Variants in GPR158 observed in about 807,000 individuals in gnomAD.
GPR158 encodes the protein G protein-coupled receptor 158.
GPR158 carries 30 observed loss-of-function variants against 78.2 expected under a neutral mutation model. The observed-to-expected ratio is 0.38, with a 90% CI of 0.29 to 0.52. The LOEUF (loss-of-function observed/expected upper bound fraction) is 0.52. GPR158 is among the 20% of genes least tolerant of loss of function. The pLI, the probability that GPR158 is intolerant of heterozygous loss-of-function variation, is 0.83. For synonymous variants in GPR158, 581 were observed against 591.1 expected (o/e 0.98, Z 0.25); for missense variants, 1,463 against 1,523.5 (o/e 0.96, Z 0.66).
chr10:25,410,653 C>T lies in GPR158; in HGVS notation c.1112-1597C>T, dbSNP rs150043558. On this transcript the variant is annotated intron_variant, in intron 3 of 10. Transcript: ENST00000376351. ...ATAAATAAATAACCTCATTTAGTCC[C>T]ACAGCAATTCATGTTTCATAAATAA... 2.3e-3 allele frequency among the ~76,000 whole-genome samples: 343 copies of T among 152,160 alleles called. 2 individuals carry two copies. The highest frequency in any genetic ancestry group is 8.0e-3 in the African/African-American group (331 of 41,526).
intron 5 of GPR158, among the ~76,000 whole-genome samples, chr10:25,496,661 G>A (rs1335574425): frequency 1.3e-5 from 2 of 152,150 alleles, no homozygotes; most frequent in Non-Finnish European, 2.9e-5. Flanking sequence ...CATTAGATAA[G>A]GATTATCCTA....
chr10:25,429,446 A>G (rs1209258231), intron 4 of GPR158, among the ~76,000 whole-genome samples: 1 of 152,136 alleles, frequency 6.6e-6, no homozygotes, highest in Non-Finnish European at 1.5e-5. Context: ...CCCACAGCTC[A>G]AATTCAGAGT....
intron 4 of GPR158, among the ~76,000 whole-genome samples, chr10:25,453,387 G>A (rs1000404064): frequency 5.3e-5 from 8 of 152,092 alleles, no homozygotes; most frequent in African/African-American, 1.9e-4. Flanking sequence ...TCTAATACTT[G>A]TTATTTCTTG....
At chr10:25,529,903 A>G (rs1246743636) in intron 5 of GPR158, among the ~76,000 whole-genome samples, 1 of 152,176 alleles carries the variant, frequency 6.6e-6, no homozygotes, top group Admixed American at 6.5e-5. Flanking sequence ...AACAACTGCC[A>G]AGCAACCAAC....
intron 2 of GPR158, among the ~76,000 whole-genome samples, chr10:25,301,908 G>A (rs570248821): frequency 6.6e-5 from 10 of 152,118 alleles, no homozygotes; most frequent in Admixed American, 1.3e-4. Context: ...TCCTCTGCCA[G>A]GCAACTGCTG....
At chr10:25,576,943 G>A (rs950874101) in intron 7 of GPR158, among the ~76,000 whole-genome samples, 1 of 141,978 alleles carries the variant, frequency 7.0e-6, no homozygotes, top group African/African-American at 2.7e-5. Flanking sequence ...TTCCCAAAGT[G>A]TGCTCATCCC....
chr10:25,565,337 TCAGA>T, intron 6 of GPR158, among the ~76,000 whole-genome samples: 1 of 152,266 alleles, frequency 6.6e-6, no homozygotes, highest in East Asian at 1.9e-4. Flanking sequence ...CCTGGGACTA[TCAGA>T]CAAAGATGTA....
intron 2 of GPR158, among the ~76,000 whole-genome samples, chr10:25,326,381 GTATT>G (rs1241065961): frequency 4.6e-5 from 7 of 151,724 alleles, no homozygotes; most frequent in East Asian, 3.9e-4. Context: ...TTTTAATTGA[GTATT>G]TATTTTCTTG....
intron 2 of GPR158, among the ~76,000 whole-genome samples, chr10:25,369,582 G>C (rs1303391349): frequency 6.6e-6 from 1 of 151,196 alleles, no homozygotes; most frequent in Admixed American, 6.6e-5. Context: ...GTATTTTATT[G>C]AGGATTTTTG....
chr10:25,380,214 A>G (rs1249782668), intron 2 of GPR158, among the ~76,000 whole-genome samples: 2 of 152,180 alleles, frequency 1.3e-5, no homozygotes, highest in Admixed American at 1.3e-4. Context: ...CAAGTCTCTT[A>G]GAAATCCCAA....
chr10:25,279,314 AT>A (rs1854234073), intron 2 of GPR158, among the ~76,000 whole-genome samples: 1 of 152,142 alleles, frequency 6.6e-6, no homozygotes, highest in Admixed American at 6.5e-5. Context: ...TATTATCTCC[AT>A]TTTTCAGATA....
intron 7 of GPR158, among the ~76,000 whole-genome samples, chr10:25,585,903 C>T (rs1837259726): frequency 6.6e-6 from 1 of 152,140 alleles, no homozygotes. Flanking sequence ...CAGTTGAACC[C>T]TGGAGGCAGA....
chr10:25,465,568 T>C (rs1307011051), intron 4 of GPR158, among the ~76,000 whole-genome samples: 1 of 152,200 alleles, frequency 6.6e-6, no homozygotes, highest in Non-Finnish European at 1.5e-5. Flanking sequence ...ACTAATTCTT[T>C]TGAATTTTGA....
chr10:25,183,007 G>A (rs1169370388), intron 1 of GPR158, among the ~76,000 whole-genome samples: 1 of 152,198 alleles, frequency 6.6e-6, no homozygotes, highest in Non-Finnish European at 1.5e-5. Flanking sequence ...GCGTTGTGAA[G>A]CTTTTCCCAG....
At chr10:25,270,470 A>G (rs1203718637) in intron 2 of GPR158, among the ~76,000 whole-genome samples, 3 of 152,118 alleles carry the variant, frequency 2.0e-5, no homozygotes, top group Non-Finnish European at 4.4e-5. Context: ...AGATATAAGA[A>G]AAGCCAGGCA....
rs907693415 is a variant in GPR158 at position 25,427,229 on chromosome 10, G to A, written c.1335+14756G>A. Among the ~76,000 whole-genome samples the A allele has an allele frequency of 5.3e-5, 8 of 152,014 alleles. No homozygotes were observed. The East Asian group carries it at 5.8e-4, about 11-fold the overall frequency. On this transcript the variant is annotated intron_variant, in intron 4 of 10. Coordinates refer to ENST00000376351, the MANE Select transcript of GPR158 (RefSeq NM_020752.3). ...GTGTGAAGGGTGTTGGGAGAAGGTC[G>A]AACCACTGTATTAGTGACATGGGAG...
intron 2 of GPR158, among the ~76,000 whole-genome samples, chr10:25,277,759 A>G (rs1016001823): frequency 1.1e-4 from 17 of 152,184 alleles, no homozygotes; most frequent in African/African-American, 4.1e-4. Flanking sequence ...AAAATAGCCC[A>G]GAAAAAACTT....
chr10:25,545,414 T>C (rs1335847591), intron 5 of GPR158, among the ~76,000 whole-genome samples: 1 of 152,182 alleles, frequency 6.6e-6, no homozygotes, highest in Non-Finnish European at 1.5e-5. Flanking sequence ...TGGCATGAGA[T>C]GGTATCTCAT....
chr10:25,547,879 T>C (rs915864365), intron 5 of GPR158, among the ~76,000 whole-genome samples: 1 of 152,210 alleles, frequency 6.6e-6, no homozygotes, highest in Non-Finnish European at 1.5e-5. Flanking sequence ...CTTAATTTAG[T>C]GTCTAGCATA....
Sources: gnomAD v4.1 joint callset for allele counts (sites outside exome capture counted in the v4.1 genomes callset) on GRCh38, gnomAD v4.1.1 for gene constraint, MANE v1.5 for transcripts, NCBI Gene and HGNC (gene_info 2026-07-23, HGNC 2026-07-21) for gene names.